The following SFMBT1 variants were observed in gnomAD, a reference collection of about 807,000 sequenced individuals.
The protein encoded by SFMBT1 is Scm like with four mbt domains 1.
Under a neutral mutation model 108.7 loss-of-function variants are expected in SFMBT1, and 32 were observed. The ratio of observed to expected loss-of-function variants is 0.29; its 90% CI spans 0.22 to 0.40. The LOEUF is 0.40. Ranked by LOEUF, SFMBT1 falls within the 10% of genes least tolerant of loss-of-function variation. The pLI is 1.00. For synonymous variants in SFMBT1, 348 were observed against 369.5 expected, an observed-to-expected ratio of 0.94 and a Z score of 0.67; for missense variants, 816 against 1,059.6, an observed-to-expected ratio of 0.77 and a Z score of 3.19.
At chr3:52,952,580 A>G (rs909768437) in intron 3 of SFMBT1, among the ~76,000 whole-genome samples, 7 of 152,180 alleles carry the variant, frequency 4.6e-5, no homozygotes, top group South Asian at 4.1e-4. Context: ...TGGAGGCTGG[A>G]AAGTCCAAGA....
intron 1 of SFMBT1, among the ~76,000 whole-genome samples, chr3:53,004,768 A>G (rs1423995394): frequency 6.7e-6 from 1 of 149,890 alleles, no homozygotes; most frequent in Non-Finnish European, 1.5e-5. Flanking sequence ...CACCTGTGTA[A>G]CATAGGGCCT....
rs1195040682 is a variant in SFMBT1 at position 52,905,036 on chromosome 3, G to GC, written c.*99dup. 4.8e-5 allele frequency: 71 copies of GC among 1,477,418 alleles called. No homozygotes were observed. The highest frequency in any genetic ancestry group is 6.1e-5 in the Non-Finnish European group (67 of 1,099,568). 91.5% of individuals were successfully genotyped at this position (1,477,418 alleles called of 1,614,324 possible). A position where few individuals can be genotyped will look rare whatever the true frequency, so the allele number is the denominator to read the frequency against. ...AAAGAGAGCAAGCTGATACCTGCAG[G>GC]CCCCAGAGCCCCAGGACTATTCCAG... is the stretch of plus-strand genomic sequence containing the variant. On this transcript the variant is annotated 3_prime_UTR_variant, in exon 21 of 21. Transcript: ENST00000394752.
intron 14 of SFMBT1, among the ~76,000 whole-genome samples, chr3:52,914,276 G>A (rs1040887206): frequency 1.3e-5 from 2 of 152,168 alleles, no homozygotes; most frequent in South Asian, 2.1e-4. Context: ...CATGTCAGCT[G>A]TTGAATGTAA....
rs111409268 is a variant in SFMBT1 at position 52,907,567 on chromosome 3, C to T, written c.2073G>A (p.Ala691=). 2,378 of 1,613,258 alleles carry T rather than the reference C, an allele frequency of 1.5e-3. 5 individuals are homozygous for T. Among genetic ancestry groups the T allele is most frequent in the Non-Finnish European group, 1.8e-3 (2,121 of 1,179,700 alleles). Residue 691 remains alanine (A), a synonymous_variant, in exon 18 of 21, where the codon GCG becomes GCA. Transcript: ENST00000394752. ...ACAGATCTCATACCTGGGGAGAGCC[C>T]GCTGGGGTATTATCAACAGATGCAG... ...RSSASVDNTP[A]GSPQGSGGED...
chr3:52,927,356 A>T (rs1254070116), intron 9 of SFMBT1, among the ~76,000 whole-genome samples: 4 of 152,234 alleles, frequency 2.6e-5, no homozygotes, highest in Non-Finnish European at 5.9e-5. Context: ...GAATGAATAA[A>T]AGCTGAATGG....
rs556010092 is a variant in SFMBT1, at chr3:52,997,001, G to A, written c.-130-27743C>T. Among the ~76,000 whole-genome samples the A allele has an allele frequency of 2.0e-5, 3 of 149,756 alleles. No individual in the cohort carries two copies. In the East Asian group the frequency reaches 5.9e-4, roughly 29 times the overall value. ...GAAGAATAGCTTGAACCTGGGAGGC[G>A]GAGCCTGCAGTGAGCCGAGATCGCA... On this transcript the variant is annotated intron_variant, in intron 1 of 20. Coordinates refer to ENST00000394752, the MANE Select transcript of SFMBT1 (RefSeq NM_016329.4).
intron 2 of SFMBT1, among the ~76,000 whole-genome samples, chr3:52,955,855 A>C (rs918988923): frequency 6.6e-6 from 1 of 152,238 alleles, no homozygotes; most frequent in East Asian, 1.9e-4. Context: ...TCACTTTATG[A>C]GGCCAGCATC....
intron 1 of SFMBT1, among the ~76,000 whole-genome samples, chr3:52,983,887 G>A (rs1241416316): frequency 6.6e-6 from 1 of 152,154 alleles, no homozygotes; most frequent in Non-Finnish European, 1.5e-5. Context: ...AGCAGAGGAG[G>A]AACATAATTT....
chr3:52,917,971 T>C (rs1019981775), intron 13 of SFMBT1, among the ~76,000 whole-genome samples: 1 of 152,200 alleles, frequency 6.6e-6, no homozygotes, highest in Non-Finnish European at 1.5e-5. Flanking sequence ...AAAACACACA[T>C]ATACACACAG....
chr3:52,925,355 G>A (rs1366702299), intron 10 of SFMBT1, among the ~76,000 whole-genome samples: 1 of 152,174 alleles, frequency 6.6e-6, no homozygotes, highest in African/African-American at 2.4e-5. Context: ...AGACAGAGAG[G>A]AAAGGTAATA....
chr3:52,920,448 T>C (rs1327983974), intron 12 of SFMBT1, 89 bp downstream of exon 12: 1 of 892,240 alleles, frequency 1.1e-6, no homozygotes. Context: ...ATTTTTTTTC[T>C]CTGAAATGTC....
intron 1 of SFMBT1, among the ~76,000 whole-genome samples, chr3:53,033,328 CT>C (rs1699751991): frequency 6.6e-6 from 1 of 151,896 alleles, no homozygotes; most frequent in East Asian, 1.9e-4. Context: ...GCCCAGCTAA[CT>C]TTTGTATTTT....
intron 16 of SFMBT1, 78 bp downstream of exon 16, chr3:52,912,460 G>A (rs1559507881): frequency 8.1e-7 from 1 of 1,239,778 alleles, no homozygotes; most frequent in Non-Finnish European, 1.2e-6. Context: ...TTACAGGTGT[G>A]AGCCACTGTG....
intron 19 of SFMBT1, 120 bp from the exon 20 acceptor site, chr3:52,906,361 T>C: frequency 6.8e-7 from 1 of 1,479,718 alleles, no homozygotes; most frequent in East Asian, 2.3e-5. Flanking sequence ...TAGGACATGA[T>C]TTCTCCCAGC....
intron 1 of SFMBT1, among the ~76,000 whole-genome samples, chr3:52,989,940 G>C (rs534997170): frequency 2.5e-4 from 38 of 152,132 alleles, no homozygotes; most frequent in South Asian, 4.1e-4. Flanking sequence ...AATTAACAAC[G>C]AAAAAGGTAG....
intron 1 of SFMBT1, among the ~76,000 whole-genome samples, chr3:53,019,401 T>G (rs1699230148): frequency 6.6e-6 from 1 of 151,500 alleles, no homozygotes; most frequent in Admixed American, 6.6e-5. Flanking sequence ...GGGGTATATG[T>G]GTGAAATCAA....
Position 52,943,519 on chromosome 3 carries a change from G to A in SFMBT1, c.198C>T (p.Thr66=). Reference sequence around the variant, plus strand: ...TAGTGATAACGGTGGCAACCCAGTAGGTCTCAGGATCTGTTCTCACAGCCA... The same window carrying A: ...TAGTGATAACGGTGGCAACCCAGTAAGTCTCAGGATCTGTTCTCACAGCCA... ...LEVAVRTDPE[T]YWVATVITTC... is the part of the protein sequence containing the mutation. Residue 66 remains threonine (T), a synonymous_variant, in exon 4 of 21, where the codon ACC becomes ACT. Transcript: ENST00000394752. The A allele has an allele frequency of 6.2e-7, 1 of 1,614,168 alleles. No individual in the cohort carries two copies. The highest frequency in any genetic ancestry group is 8.5e-7 in the Non-Finnish European group (1 of 1,180,014).
intron 3 of SFMBT1, among the ~76,000 whole-genome samples, chr3:52,945,301 C>T (rs1287223990): frequency 6.6e-6 from 1 of 151,650 alleles, no homozygotes; most frequent in Non-Finnish European, 1.5e-5. Context: ...CTAGAAGGAT[C>T]TCACTGGCTA....
chr3:52,944,191 A>C (rs1703282868), intron 3 of SFMBT1, among the ~76,000 whole-genome samples: 1 of 152,236 alleles, frequency 6.6e-6, no homozygotes, highest in African/African-American at 2.4e-5. Flanking sequence ...TTATGTGTAT[A>C]CTAACATTAA....
Sources: allele counts gnomAD v4.1 joint callset (sites outside exome capture counted in the v4.1 genomes callset), GRCh38; gene constraint gnomAD v4.1.1; transcripts MANE v1.5; gene names NCBI Gene and HGNC (gene_info 2026-07-23, HGNC 2026-07-21).